PTPN12: variants seen among roughly 807,000 people sequenced by gnomAD.
The protein encoded by PTPN12 is protein tyrosine phosphatase non-receptor type 12.
A neutral mutation model predicts 97.6 loss-of-function variants in PTPN12; 29 were observed. The observed-to-expected ratio is 0.30, with a 90% CI of 0.22 to 0.41. PTPN12 has a LOEUF of 0.41. Ranked by LOEUF, PTPN12 falls within the 10% of genes least tolerant of loss-of-function variation. PTPN12 has a pLI of 1.00. For synonymous variants in PTPN12, 327 were observed against 300.4 expected (o/e 1.09, Z -0.91); for missense variants, 819 against 926.0 (o/e 0.88, Z 1.50).
chr7:77,579,247 G>A (rs750774985), intron 2 of PTPN12, among the ~76,000 whole-genome samples: 2 of 152,052 alleles, frequency 1.3e-5, no homozygotes, highest in Non-Finnish European at 2.9e-5. Flanking sequence ...TCAGCCTCCC[G>A]AGTAGCTGAG....
At chr7:77,634,134 A>G (rs1789502373) in intron 14 of PTPN12, among the ~76,000 whole-genome samples, 1 of 151,908 alleles carries the variant, frequency 6.6e-6, no homozygotes, top group Non-Finnish European at 1.5e-5. Flanking sequence ...CTGTAGTTGG[A>G]GGCTGCAGTG....
intron 1 of PTPN12, chr7:77,545,827 G>A (rs909399262): frequency 6.6e-6 from 1 of 152,076 alleles, no homozygotes; most frequent in African/African-American, 2.4e-5. Flanking sequence ...TTTGAAGGAA[G>A]CTATTCCTGG....
intron 1 of PTPN12, among the ~76,000 whole-genome samples, chr7:77,541,983 T>C (rs762823036): frequency 7.0e-6 from 1 of 141,898 alleles, no homozygotes; most frequent in Non-Finnish European, 1.5e-5. Flanking sequence ...AGTAGGGTGG[T>C]GCACATTCAT....
chr7:77,541,699 T>C (rs1305128312), intron 1 of PTPN12, among the ~76,000 whole-genome samples: 1 of 152,218 alleles, frequency 6.6e-6, no homozygotes, highest in African/African-American at 2.4e-5. Context: ...TTAACTTGAA[T>C]TTCTTGATTA....
intron 2 of PTPN12, among the ~76,000 whole-genome samples, chr7:77,572,452 A>C (rs1787175193): frequency 6.6e-6 from 1 of 152,142 alleles, no homozygotes; most frequent in African/African-American, 2.4e-5. Flanking sequence ...TTCTTCTTCC[A>C]TGATAACTCT....
At chr7:77,566,637 T>A (rs1326480240) in intron 1 of PTPN12, among the ~76,000 whole-genome samples, 1 of 152,154 alleles carries the variant, frequency 6.6e-6, no homozygotes, top group African/African-American at 2.4e-5. Context: ...GGTGGGAGAA[T>A]CACCTGAGCC....
At chr7:77,544,720 C>T (rs901993474) in intron 1 of PTPN12, among the ~76,000 whole-genome samples, 2 of 152,186 alleles carry the variant, frequency 1.3e-5, no homozygotes, top group Non-Finnish European at 2.9e-5. Flanking sequence ...CCAGACTGAA[C>T]GCCTCCCAGG....
intron 11 of PTPN12, among the ~76,000 whole-genome samples, chr7:77,617,232 C>A (rs539544129): frequency 6.6e-6 from 1 of 152,124 alleles, no homozygotes; most frequent in African/African-American, 2.4e-5. Flanking sequence ...CTTTTTCATT[C>A]TCAAAAGAGC....
At chr7:77,579,430 A>C (rs902139368) in intron 2 of PTPN12, among the ~76,000 whole-genome samples, 2 of 152,194 alleles carry the variant, frequency 1.3e-5, no homozygotes, top group African/African-American at 2.4e-5. Flanking sequence ...TGGCCACTAA[A>C]AATTAAATTT....
chr7:77,636,302 G>T (rs1437285246), intron 15 of PTPN12, among the ~76,000 whole-genome samples: 1 of 151,932 alleles, frequency 6.6e-6, no homozygotes, highest in Non-Finnish European at 1.5e-5. Context: ...TATTTTGAGG[G>T]CGTGGCATGG....
At chr7:77,592,337 G>C in intron 6 of PTPN12, 81 bp downstream of exon 6, 1 of 1,224,788 alleles carries the variant, frequency 8.2e-7, no homozygotes, top group Non-Finnish European at 1.2e-6. Flanking sequence ...AATGTGGTAT[G>C]AACCCAGGCT....
At position 77,618,539 on chromosome 7, in the gene PTPN12, T is replaced by G; in HGVS notation, c.999T>G (p.Pro333=). The G allele has an allele frequency of 6.2e-7, 1 of 1,608,766 alleles. No homozygotes were observed. The highest frequency in any genetic ancestry group is 8.5e-7 in the Non-Finnish European group (1 of 1,175,928). ...TAGAGCCTGAAAAACAAGATTCTCCTCCTCCAAAACCACCAAGGACCCGCA... is the reference window on the plus strand; with the variant it reads ...TAGAGCCTGAAAAACAAGATTCTCCGCCTCCAAAACCACCAAGGACCCGCA... ...SSIEPEKQDS[P]PPKPPRTRSC... Residue 333 remains proline, a synonymous_variant, in exon 12 of 18, where the codon CCT becomes CCG. Transcript: ENST00000248594.
At chr7:77,610,887 C>T (rs924126205) in intron 10 of PTPN12, 45 bp downstream of exon 10, 2 of 1,580,990 alleles carry the variant, frequency 1.3e-6, no homozygotes, top group African/African-American at 1.4e-5. Context: ...TTTATAAATG[C>T]TTTCTTCTTT....
intron 2 of PTPN12, among the ~76,000 whole-genome samples, chr7:77,577,527 C>T (rs1301758151): frequency 6.6e-6 from 1 of 152,002 alleles, no homozygotes; most frequent in Admixed American, 6.6e-5. Flanking sequence ...CTGCTGATAT[C>T]CTCAAGATGT....
chr7:77,598,298 C>T (rs922946287), intron 7 of PTPN12, among the ~76,000 whole-genome samples: 1 of 152,146 alleles, frequency 6.6e-6, no homozygotes, highest in Non-Finnish European at 1.5e-5. Flanking sequence ...GGGTAGTATG[C>T]TCACTCCTTT....
chr7:77,633,445 T>A (rs1789475189), intron 14 of PTPN12, among the ~76,000 whole-genome samples: 1 of 151,558 alleles, frequency 6.6e-6, no homozygotes, highest in African/African-American at 2.4e-5. Context: ...CTGTCTCTAC[T>A]AGAAATACAA....
chr7:77,559,581 C>T (rs1807903645), intron 1 of PTPN12, among the ~76,000 whole-genome samples: 1 of 152,074 alleles, frequency 6.6e-6, no homozygotes, highest in Non-Finnish European at 1.5e-5. Context: ...TTAAATTACA[C>T]TTCCAGTTTT....
At chr7:77,589,799 C>T (rs940622611) in intron 5 of PTPN12, among the ~76,000 whole-genome samples, 1 of 152,090 alleles carries the variant, frequency 6.6e-6, no homozygotes, top group African/African-American at 2.4e-5. Context: ...ATTTAAATGT[C>T]ATTCTCCTAA....
chr7:77,572,863 T>A (rs1787192117), intron 2 of PTPN12, among the ~76,000 whole-genome samples: 1 of 152,016 alleles, frequency 6.6e-6, no homozygotes, highest in Non-Finnish European at 1.5e-5. Context: ...GACTGGTGGA[T>A]CACGAGGTCA....
Sources: gnomAD v4.1 joint callset for allele counts (sites outside exome capture counted in the v4.1 genomes callset) on GRCh38, gnomAD v4.1.1 for gene constraint, MANE v1.5 for transcripts, NCBI Gene and HGNC (gene_info 2026-07-23, HGNC 2026-07-21) for gene names.